SERINC1: variants seen among roughly 807,000 people sequenced by gnomAD.
SERINC1 encodes serine incorporator 1, also known as tumor differentially expressed protein 2.
Under a neutral mutation model 52.9 loss-of-function variants are expected in SERINC1, and 38 were observed. The ratio of observed to expected loss-of-function variants is 0.72; its 90% CI spans 0.55 to 0.94. The LOEUF is 0.94. Among genes scored for constraint, SERINC1 ranks in the 40% least tolerant of loss-of-function variants. The probability of loss-of-function intolerance (pLI) is 0.00; values close to 1 mark genes in which losing one functional copy is unlikely to be tolerated. For missense variants in SERINC1, 471 were observed against 533.9 expected, an observed-to-expected ratio of 0.88 and a Z score of 1.16; for synonymous variants, 198 against 183.1, an observed-to-expected ratio of 1.08 and a Z score of -0.66.
Position 122,445,883 on chromosome 6 carries a change from C to CAAAAAAAAAAAAAAAAA in SERINC1, c.1227-721_1227-705dup, listed in dbSNP as rs71018202. On this transcript the variant is annotated intron_variant, in intron 9 of 9. Coordinates refer to ENST00000339697, the MANE Select transcript of SERINC1 (RefSeq NM_020755.4). ...TGGGTGACAGAGCAAGACTCCATTT[C>CAAAAAAAAAAAAAAAAA]AAAAAAAAAAAAAAAAAGAACCAGC... is the stretch of plus-strand genomic sequence containing the variant. Among the ~76,000 whole-genome samples the CAAAAAAAAAAAAAAAAA allele has an allele frequency of 2.1e-3, 134 of 62,780 alleles. 9 individuals carry two copies. The highest frequency in any genetic ancestry group is 3.6e-3 in the African/African-American group (54 of 15,182). The allele number at this position is 62,780 out of a possible 152,430, so 41.2% of individuals were successfully genotyped here. A position where few individuals can be genotyped will look rare whatever the true frequency, so the allele number is the denominator to read the frequency against.
At chr6:122,454,384 T>C (rs1200392952) in intron 3 of SERINC1, 154 bp from the exon 4 acceptor site, 1 of 563,770 alleles carries the variant, frequency 1.8e-6, no homozygotes. Flanking sequence ...GTAGCCATAT[T>C]TGTAACTACA....
Position 122,451,774 on chromosome 6 carries a change from AAAATAT to A in SERINC1, c.760-26_760-21del, listed in dbSNP as rs1291874000. On this transcript the variant is annotated intron_variant, in intron 6 of 9. Coordinates refer to ENST00000339697, the MANE Select transcript of SERINC1 (RefSeq NM_020755.4). ...TGATTCCTACAAAAAAAAAAAAAAA[AAAATAT>A]ATATATATATATATAGCAACACAGG... The A allele has an allele frequency of 3.3e-5, 7 of 210,978 alleles. No individual in the cohort carries two copies. Among genetic ancestry groups the A allele is most frequent in the Non-Finnish European group, 4.7e-5 (7 of 147,514 alleles). 13.1% of individuals were successfully genotyped at this position (210,978 alleles called of 1,614,324 possible).
intron 1 of SERINC1, among the ~76,000 whole-genome samples, chr6:122,466,346 C>G (rs910656156): frequency 1.3e-5 from 2 of 151,970 alleles, no homozygotes; most frequent in Non-Finnish European, 2.9e-5. Flanking sequence ...GTCGTCCAGG[C>G]TGGAATGTAG....
intron 5 of SERINC1, among the ~76,000 whole-genome samples, chr6:122,452,519 A>T (rs1438259368): frequency 6.6e-6 from 1 of 152,210 alleles, no homozygotes; most frequent in Non-Finnish European, 1.5e-5. Flanking sequence ...TCATGAACTA[A>T]AATCTTAAAA....
chr6:122,445,518 A>C (rs979416282), intron 9 of SERINC1, among the ~76,000 whole-genome samples: 2 of 152,080 alleles, frequency 1.3e-5, no homozygotes, highest in African/African-American at 4.8e-5. Flanking sequence ...AAGATTGTTC[A>C]AGATGTATAT....
At chr6:122,451,776 A>AAAATATAT in intron 6 of SERINC1, 22 bp from the exon 7 acceptor site, 40 of 113,010 alleles carry the variant, frequency 3.5e-4, no homozygotes, top group African/African-American at 1.9e-3. Flanking sequence ...AAAAAAAAAA[A>AAAATATAT]ATATATATAT....
chr6:122,453,632 A>C, intron 5 of SERINC1, 138 bp downstream of exon 5: 1 of 574,516 alleles, frequency 1.7e-6, no homozygotes, highest in Non-Finnish European at 2.8e-6. Context: ...TGATATTTTG[A>C]CACTCACAAA....
chr6:122,471,779 G>C lies in SERINC1; in HGVS notation c.-42C>G, dbSNP rs141827634. ...GAGCAGCGGATACAGACAAGATGGAGACAGCTTCTTTCTCGCCTTTCCGAG... is the reference window on the plus strand; with the variant it reads ...GAGCAGCGGATACAGACAAGATGGACACAGCTTCTTTCTCGCCTTTCCGAG... On this transcript the variant is annotated 5_prime_UTR_variant, in exon 1 of 10. Transcript: ENST00000339697. The C allele has an allele frequency of 2.5e-6, 4 of 1,613,196 alleles. No homozygotes were observed. Among genetic ancestry groups the C allele is most frequent in the Non-Finnish European group, 3.4e-6 (4 of 1,179,754 alleles).
At chr6:122,454,376 A>T (rs1774961787) in intron 3 of SERINC1, 146 bp from the exon 4 acceptor site, 1 of 573,008 alleles carries the variant, frequency 1.7e-6, no homozygotes, top group Non-Finnish European at 3.1e-6. Flanking sequence ...TCTGGAGTGT[A>T]GCCATATTTG....
At chr6:122,446,468 CTT>C (rs1407191980) in intron 9 of SERINC1, among the ~76,000 whole-genome samples, 4 of 151,798 alleles carry the variant, frequency 2.6e-5, no homozygotes, top group African/African-American at 9.7e-5. Context: ...ACTTCACTAT[CTT>C]TACAGAATTG....
chr6:122,455,050 G>A (rs958691847), intron 3 of SERINC1, among the ~76,000 whole-genome samples: 3 of 152,184 alleles, frequency 2.0e-5, no homozygotes, highest in African/African-American at 4.8e-5. Context: ...GGACTGGTGC[G>A]TTTTCAGTTG....
intron 1 of SERINC1, among the ~76,000 whole-genome samples, chr6:122,465,143 G>A (rs1034332814): frequency 1.3e-5 from 2 of 152,084 alleles, no homozygotes; most frequent in South Asian, 2.1e-4. Flanking sequence ...TAGAAACTAC[G>A]AAGTAGTAAC....
intron 2 of SERINC1, among the ~76,000 whole-genome samples, chr6:122,458,062 C>A (rs989708635): frequency 1.3e-5 from 2 of 151,994 alleles, no homozygotes; most frequent in African/African-American, 2.4e-5. Flanking sequence ...ATTTCAGGTC[C>A]GCTATTCTCT....
intron 1 of SERINC1, among the ~76,000 whole-genome samples, chr6:122,464,552 A>T (rs2114489454): frequency 6.6e-6 from 1 of 152,318 alleles, no homozygotes. Flanking sequence ...CTGATATAAG[A>T]CAGAATACGA....
chr6:122,444,802 A>G lies in SERINC1; in HGVS notation c.*242T>C, dbSNP rs1774755435. On this transcript the variant is annotated 3_prime_UTR_variant, in exon 10 of 10. Coordinates refer to ENST00000339697, the MANE Select transcript of SERINC1 (RefSeq NM_020755.4). ...CTATAGAGCAGAGAATAAGCCCAAT[A>G]ATGGCCACTTTTACTAACTCATCAC... 8.7e-6 allele frequency: 4 copies of G among 459,568 alleles called. No individual in the cohort carries two copies. Among genetic ancestry groups the G allele is most frequent in the African/African-American group, 8.0e-5 (4 of 49,806 alleles). 28.5% of individuals were successfully genotyped at this position (459,568 alleles called of 1,614,324 possible). A position where few individuals can be genotyped will look rare whatever the true frequency, so the allele number is the denominator to read the frequency against.
chr6:122,452,016 C>T lies in SERINC1; in HGVS notation c.631G>A (p.Val211Ile). The part of the protein sequence containing the change: ...ATALNYLLSL[V>I]AIVLFFVYYT... Reference sequence around the variant, plus strand: ...TAGACAAAGAACAGGACGATAGCAACTAAAGACAGCAGATAATTCAGAGCT... The same window carrying T: ...TAGACAAAGAACAGGACGATAGCAATTAAAGACAGCAGATAATTCAGAGCT... The change falls in exon 6 of 10, where the codon GTT (valine) becomes ATT (isoleucine). Residue 211 changes from valine to isoleucine, a missense_variant. By Grantham distance (29) the Val-to-Ile change is conservative. Transcript: ENST00000339697. The T allele has an allele frequency of 6.3e-7, 1 of 1,574,986 alleles. No homozygotes were observed. The highest frequency in any genetic ancestry group is 8.6e-7 in the Non-Finnish European group (1 of 1,162,092).
intron 3 of SERINC1, among the ~76,000 whole-genome samples, chr6:122,454,811 G>A (rs1774969697): frequency 6.6e-6 from 1 of 152,180 alleles, no homozygotes; most frequent in African/African-American, 2.4e-5. Flanking sequence ...GCAGAAGGCA[G>A]TCATCAATAC....
chr6:122,469,380 GT>G (rs11300483), intron 1 of SERINC1, among the ~76,000 whole-genome samples: 44,119 of 138,802 alleles, frequency 0.32, 6,776 homozygotes, highest in Non-Finnish European at 0.41. Flanking sequence ...TTTTGTTTTT[GT>G]TTTTTTTTTT....
rs11559297 is a variant in SERINC1, at chr6:122,471,742, A to C, written c.-5T>G. The C allele has an allele frequency of 6.2e-7, 1 of 1,613,940 alleles. No individual in the cohort carries two copies. The highest frequency in any genetic ancestry group is 1.3e-5 in the African/African-American group (1 of 74,920). ...CAGCCCCAGGACGCTCCCCATCTCCACAACGTCACAAGAGCAGCGGATACA... is the reference window on the plus strand; with the variant it reads ...CAGCCCCAGGACGCTCCCCATCTCCCCAACGTCACAAGAGCAGCGGATACA... On this transcript the variant is annotated 5_prime_UTR_variant, in exon 1 of 10. Transcript: ENST00000339697.
Sources: gnomAD v4.1 joint callset for allele counts (sites outside exome capture counted in the v4.1 genomes callset) on GRCh38, gnomAD v4.1.1 for gene constraint, MANE v1.5 for transcripts, NCBI Gene and HGNC (gene_info 2026-07-23, HGNC 2026-07-21) for gene names.